TUT4: variants seen among roughly 807,000 people sequenced by gnomAD.
The protein encoded by TUT4 is terminal uridylyl transferase 4.
Under a neutral mutation model 192.2 loss-of-function variants are expected in TUT4, and 36 were observed. The observed-to-expected ratio is 0.19, with a 90% CI of 0.14 to 0.25. TUT4 has a LOEUF of 0.25. TUT4 is among the 10% of genes least tolerant of loss of function. The probability of loss-of-function intolerance (pLI) is 1.00; values close to 1 mark genes in which losing one functional copy is unlikely to be tolerated. For synonymous variants in TUT4, 618 were observed against 666.0 expected (o/e 0.93, Z 1.11); for missense variants, 1,493 against 1,957.2 (o/e 0.76, Z 4.47).
At chr1:52,440,429 CTG>C (rs1655168075) in intron 24 of TUT4, among the ~76,000 whole-genome samples, 1 of 139,922 alleles carries the variant, frequency 7.1e-6, no homozygotes, top group Non-Finnish European at 1.5e-5. Context: ...CATGCCCATC[CTG>C]TGTTTTTTTT....
intron 4 of TUT4, among the ~76,000 whole-genome samples, chr1:52,500,037 G>C (rs1179777627): frequency 6.6e-6 from 1 of 151,242 alleles, no homozygotes; most frequent in Non-Finnish European, 1.5e-5. Context: ...CAGGAGAATT[G>C]CTTGAACCAG....
At chr1:52,487,711 T>C (rs1284077837) in intron 9 of TUT4, among the ~76,000 whole-genome samples, 1 of 152,076 alleles carries the variant, frequency 6.6e-6, no homozygotes, top group African/African-American at 2.4e-5. Context: ...AAGGCCAGCA[T>C]GGGCAACATC....
chr1:52,516,137 T>C (rs905074744), intron 2 of TUT4, 83 bp from the exon 3 acceptor site: 28 of 1,068,934 alleles, frequency 2.6e-5, no homozygotes, highest in Non-Finnish European at 3.7e-5. Flanking sequence ...ATTAAATTTA[T>C]ACACAGAAAA....
rs535226332 is a variant in TUT4, at chr1:52,548,659, A to G, written c.-94+4272T>C. Reference sequence around the variant, plus strand: ...TAACACTTCAAAGATCTTGAGAAAGAAATTAGCTCATAGTAACTATGCAAT... The same window carrying G: ...TAACACTTCAAAGATCTTGAGAAAGGAATTAGCTCATAGTAACTATGCAAT... On this transcript the variant is annotated intron_variant, in intron 1 of 29. Transcript: ENST00000257177. Among the ~76,000 whole-genome samples, 3 of 152,342 alleles carry G rather than the reference A, an allele frequency of 2.0e-5. No homozygotes were observed. In the South Asian group the frequency reaches 6.2e-4, roughly 32 times the overall value.
intron 1 of TUT4, among the ~76,000 whole-genome samples, chr1:52,530,542 C>A (rs1683096521): frequency 6.6e-6 from 1 of 152,180 alleles, no homozygotes; most frequent in Non-Finnish European, 1.5e-5. Context: ...ACGATAATCA[C>A]CCCCACATCT....
chr1:52,424,052 C>T (rs777317789), intron 29 of TUT4, 50 bp from the exon 30 acceptor site: 18 of 1,541,380 alleles, frequency 1.2e-5, no homozygotes, highest in Middle Eastern at 1.8e-4. Flanking sequence ...GCCTGTTTAT[C>T]TGACAACACC....
At chr1:52,521,890 G>A (rs1324107314) in intron 2 of TUT4, among the ~76,000 whole-genome samples, 1 of 151,784 alleles carries the variant, frequency 6.6e-6, no homozygotes, top group Non-Finnish European at 1.5e-5. Context: ...ACTTGAACCC[G>A]GGAGGTGGAG....
chr1:52,513,771 G>T (rs1227622448), intron 3 of TUT4, among the ~76,000 whole-genome samples: 1 of 151,684 alleles, frequency 6.6e-6, no homozygotes, highest in Non-Finnish European at 1.5e-5. Context: ...TTTCTTATTT[G>T]CTTATGTGTC....
chr1:52,482,409 A>G (rs960720309), intron 9 of TUT4, among the ~76,000 whole-genome samples: 3 of 152,150 alleles, frequency 2.0e-5, no homozygotes, highest in African/African-American at 4.8e-5. Context: ...ATATATCAAG[A>G]AAGTCCCTTT....
chr1:52,518,510 T>A (rs1336905798), intron 2 of TUT4, among the ~76,000 whole-genome samples: 4 of 152,226 alleles, frequency 2.6e-5, no homozygotes, highest in African/African-American at 9.6e-5. Context: ...CTCACCATTA[T>A]GACCTCATTT....
chr1:52,425,588 A>G, intron 28 of TUT4, 81 bp from the exon 29 acceptor site: 1 of 1,441,430 alleles, frequency 6.9e-7, no homozygotes, highest in African/African-American at 1.4e-5. Context: ...ACAAAGATAT[A>G]TTCAGTACCT....
Position 52,425,464 on chromosome 1 carries a change from A to C in TUT4, c.4755T>G (p.His1585Gln). ...RGLTPPIPWEHAPRPHFPLVP... is the reference protein window; with the variant it reads ...RGLTPPIPWEQAPRPHFPLVP... ...CAAGGGGGAAATGGGGACGCGGTGC[A>C]TGTTCCCAAGGAATTGGAGGAGTCA... The change falls in exon 29 of 30, where the codon CAT (histidine) becomes CAG (glutamine). Residue 1585 changes from histidine to glutamine, a missense_variant. This residue lies in a region of TUT4 where 351 missense variants were observed against 397.8 expected (regional missense o/e 0.88). Coordinates refer to ENST00000257177, the MANE Select transcript of TUT4 (RefSeq NM_001009881.3). 5.6e-6 allele frequency: 9 copies of C among 1,614,084 alleles called. No homozygotes were observed. The highest frequency in any genetic ancestry group is 7.6e-6 in the Non-Finnish European group (9 of 1,179,964).
At chr1:52,525,137 G>A (rs1437477868) in intron 2 of TUT4, among the ~76,000 whole-genome samples, 1 of 149,476 alleles carries the variant, frequency 6.7e-6, no homozygotes, top group African/African-American at 2.6e-5. Flanking sequence ...TGAAGTTTAG[G>A]GCTATGGGTT....
intron 1 of TUT4, among the ~76,000 whole-genome samples, chr1:52,548,601 A>G (rs1688659282): frequency 6.6e-6 from 1 of 152,186 alleles, no homozygotes; most frequent in Non-Finnish European, 1.5e-5. Context: ...ATAAATGAGA[A>G]TAATATAAAA....
chr1:52,524,974 A>G (rs1681331104), intron 2 of TUT4, among the ~76,000 whole-genome samples: 1 of 152,164 alleles, frequency 6.6e-6, no homozygotes, highest in African/African-American at 2.4e-5. Context: ...AAGTCTCAGT[A>G]ATACTCAGTC....
At chr1:52,503,656 C>T (rs554473604) in intron 4 of TUT4, among the ~76,000 whole-genome samples, 1 of 152,290 alleles carries the variant, frequency 6.6e-6, no homozygotes, top group Non-Finnish European at 1.5e-5. Flanking sequence ...TGGGCTCAAG[C>T]AATCCTCCCA....
chr1:52,439,764 CTAT>C (rs1364006759), intron 24 of TUT4, among the ~76,000 whole-genome samples: 1 of 152,132 alleles, frequency 6.6e-6, no homozygotes, highest in Non-Finnish European at 1.5e-5. Context: ...AGCAATTACA[CTAT>C]TAAGTATATA....
intron 4 of TUT4, among the ~76,000 whole-genome samples, chr1:52,505,157 T>C (rs1443998512): frequency 6.6e-6 from 1 of 152,226 alleles, no homozygotes; most frequent in African/African-American, 2.4e-5. Flanking sequence ...ACCACCGTAC[T>C]CTTTTCCATG....
At position 52,519,944 on chromosome 1, in the gene TUT4, G is replaced by A. The variant is rs565377173; in HGVS notation, c.719-3890C>T. Among the ~76,000 whole-genome samples the A allele has an allele frequency of 6.6e-5, 10 of 152,118 alleles. No homozygotes were observed. The East Asian group carries it at 1.4e-3, about 21-fold the overall frequency. Reference sequence around the variant, plus strand: ...TGAGGCAGGAGAATTGCTTGAACCCGGGAGGCGGTGGTTGAAGTGAGCTGA... The same window carrying A: ...TGAGGCAGGAGAATTGCTTGAACCCAGGAGGCGGTGGTTGAAGTGAGCTGA... On this transcript the variant is annotated intron_variant, in intron 2 of 29. Coordinates refer to ENST00000257177, the MANE Select transcript of TUT4 (RefSeq NM_001009881.3).
Sources: allele counts gnomAD v4.1 joint callset (sites outside exome capture counted in the v4.1 genomes callset), GRCh38; gene constraint gnomAD v4.1.1; regional missense constraint gnomAD v4.1.1; transcripts MANE v1.5; gene names NCBI Gene and HGNC (gene_info 2026-07-23, HGNC 2026-07-21).